CCT5: variants seen among roughly 807,000 people sequenced by gnomAD.
The protein encoded by CCT5 is T-complex protein 1 subunit epsilon.
A neutral mutation model predicts 55.0 loss-of-function variants in CCT5; 6 were observed. The observed-to-expected ratio is 0.11, with a 90% CI of 0.06 to 0.22. The LOEUF is 0.22. CCT5 is among the 10% of genes least tolerant of loss of function. The pLI is 1.00. For missense variants in CCT5, 560 were observed against 694.6 expected, an observed-to-expected ratio of 0.81 and a Z score of 2.18; for synonymous variants, 231 against 243.7, an observed-to-expected ratio of 0.95 and a Z score of 0.49.
chr5:10,264,584 A>G, intron 10 of CCT5, 72 bp from the exon 11 acceptor site: 1 of 1,032,236 alleles, frequency 9.7e-7, no homozygotes, highest in Non-Finnish European at 1.5e-6. Flanking sequence ...GATTCCCTAA[A>G]TCAGAAAGAG....
Position 10,264,791 on chromosome 5 carries a change from G to A in CCT5, c.*8G>A, listed in dbSNP as rs1395875365. The A allele has an allele frequency of 6.2e-7, 1 of 1,611,398 alleles. No homozygotes were observed. On this transcript the variant is annotated 3_prime_UTR_variant, in exon 11 of 11. Coordinates refer to ENST00000280326, the MANE Select transcript of CCT5 (RefSeq NM_012073.5). ...GGAGAATCTGAAGAATGAAGACATT[G>A]AGAAAACTATGTAGCAAGATCCACT...
intron 1 of CCT5, 46 bp downstream of exon 1, chr5:10,250,491 C>T: frequency 8.7e-6 from 14 of 1,606,874 alleles, no homozygotes; most frequent in South Asian, 1.1e-5. Context: ...GGGAGGTGGC[C>T]GAGGCCGTGG....
At position 10,250,612 on chromosome 5, in the gene CCT5, G is replaced by A. The variant is rs181246987; in HGVS notation, c.105+167G>A. On this transcript the variant is annotated intron_variant, in intron 1 of 10. Transcript: ENST00000280326. The stretch of plus-strand genomic sequence containing the variant: ...CGCTCAGCCCGCTTACTGAGCTCGG[G>A]AGACGCCGGCGCCTAATCCTGGGCT... The A allele has an allele frequency of 1.5e-4, 215 of 1,450,010 alleles. 2 individuals are homozygous for A. The East Asian group carries it at 5.3e-3, about 36-fold the overall frequency. 89.8% of individuals were successfully genotyped at this position (1,450,010 alleles called of 1,614,324 possible).
At chr5:10,263,375 C>A (rs1746073088) in intron 10 of CCT5, 61 bp downstream of exon 10, 5 of 1,438,420 alleles carry the variant, frequency 3.5e-6, no homozygotes, top group South Asian at 3.5e-5. Flanking sequence ...ACTGAATAAT[C>A]ATCCACTGTA....
intron 7 of CCT5, 187 bp downstream of exon 7, chr5:10,261,098 T>C (rs574392903): frequency 3.2e-5 from 22 of 692,316 alleles, no homozygotes; most frequent in African/African-American, 3.1e-4. Context: ...TGTGTGTTTC[T>C]GGTGTTCCCT....
chr5:10,261,102 G>A (rs1284388753), intron 7 of CCT5, 191 bp downstream of exon 7: 7 of 688,840 alleles, frequency 1.0e-5, no homozygotes, highest in Non-Finnish European at 1.8e-5. Flanking sequence ...TGTTTCTGGT[G>A]TTCCCTGGCA....
In CCT5 at chr5:10,254,880, A is replaced by G. The variant is rs375354833; in HGVS notation, c.331+42A>G. ...CATCCTTTCTCATTTAAGAGACGTC[A>G]TTTAAGACCACAGGGCTAACATGCC... On this transcript the variant is annotated intron_variant, in intron 3 of 10. Transcript: ENST00000280326. The G allele has an allele frequency of 5.6e-5, 86 of 1,534,180 alleles. No individual in the cohort carries two copies. The African/African-American group carries it at 8.9e-4, about 16-fold the overall frequency.
At chr5:10,257,336 T>C (rs1745733347) in intron 4 of CCT5, among the ~76,000 whole-genome samples, 1 of 152,238 alleles carries the variant, frequency 6.6e-6, no homozygotes, top group Non-Finnish European at 1.5e-5. Context: ...ATAACACTTA[T>C]TTTCTCATGA....
Position 10,253,374 on chromosome 5 carries a change from A to T in CCT5, c.106-771A>T, listed in dbSNP as rs1170162030. Among the ~76,000 whole-genome samples, 3 of 150,614 alleles carry T rather than the reference A, an allele frequency of 2.0e-5. No homozygotes were observed. In the East Asian group the frequency reaches 5.8e-4, roughly 29 times the overall value. On this transcript the variant is annotated intron_variant, in intron 1 of 10. Coordinates refer to ENST00000280326, the MANE Select transcript of CCT5 (RefSeq NM_012073.5). Reference sequence around the variant, plus strand: ...GTAACTTTGATCTATAAATATAATTATTGGGATTTCAGGTGGGTGGAGGAA... The same window carrying T: ...GTAACTTTGATCTATAAATATAATTTTTGGGATTTCAGGTGGGTGGAGGAA...
Position 10,266,209 on chromosome 5 carries a change from C to T in CCT5, c.*1426C>T, listed in dbSNP as rs555374507. On this transcript the variant is annotated 3_prime_UTR_variant, in exon 11 of 11. Transcript: ENST00000280326. ...GCCTTCTTTGGACCACAGTCTTATC[C>T]GAGGGGTCTGTGGTTGTATCAGAAG... 3.9e-5 allele frequency: 6 copies of T among 152,266 alleles called. No individual in the cohort carries two copies. Among genetic ancestry groups the T allele is most frequent in the Admixed American group, 1.3e-4 (2 of 15,302 alleles). 9.4% of individuals were successfully genotyped at this position (152,266 alleles called of 1,614,324 possible). A position where few individuals can be genotyped will look rare whatever the true frequency, so the allele number is the denominator to read the frequency against.
intron 2 of CCT5, 132 bp downstream of exon 2, chr5:10,254,337 G>C: frequency 1.4e-6 from 1 of 692,948 alleles, no homozygotes; most frequent in East Asian, 2.8e-5. Flanking sequence ...AAATTTTTTA[G>C]TGTATTTCAG....
In CCT5 at chr5:10,254,696, T is replaced by C. The variant is rs753913039; in HGVS notation, c.189T>C (p.Asp63=). 2.5e-6 allele frequency: 4 copies of C among 1,613,760 alleles called. No individual in the cohort carries two copies. In the African/African-American group the frequency reaches 4.0e-5, roughly 16 times the overall value. ...TAGGGCTTGATAAGATGATGGTGGA[T>C]AAGGATGGAGATGTGACTGTAACTA... The part of the protein sequence containing the change: ...GPNGLDKMMV[D]KDGDVTVTND... Residue 63 remains aspartate (D), a synonymous_variant, in exon 3 of 11, where the codon GAT becomes GAC. Transcript: ENST00000280326.
upstream of CCT5, chr5:10,249,961 G>T: frequency 1.3e-6 from 2 of 1,502,920 alleles, no homozygotes; most frequent in Non-Finnish European, 1.8e-6. Flanking sequence ...CCATCTTCTC[G>T]GAGCCGGAGT....
Position 10,255,010 on chromosome 5 carries a change from A to G in CCT5, c.331+172A>G. ...GGACTTTCAAAACTGACAGTGTTAC[A>G]AAAGAACAGAAAGAGGGCTGGGGAT... is the stretch of plus-strand genomic sequence containing the variant. On this transcript the variant is annotated intron_variant, in intron 3 of 10. Coordinates refer to ENST00000280326, the MANE Select transcript of CCT5 (RefSeq NM_012073.5). 4 of 638,442 alleles carry G rather than the reference A, an allele frequency of 6.3e-6. No individual in the cohort carries two copies. The South Asian group carries it at 7.1e-5, about 11-fold the overall frequency. The allele number at this position is 638,442 out of a possible 1,614,324, so 39.5% of individuals were successfully genotyped here. A position where few individuals can be genotyped will look rare whatever the true frequency, so the allele number is the denominator to read the frequency against.
chr5:10,258,658 T>C lies in CCT5; in HGVS notation c.873+123T>C, dbSNP rs1261876180. 2.5e-5 allele frequency: 23 copies of C among 910,148 alleles called. 1 individual carries two copies. The South Asian group carries it at 3.2e-4, about 13-fold the overall frequency. 56.4% of individuals were successfully genotyped at this position (910,148 alleles called of 1,614,324 possible). On this transcript the variant is annotated intron_variant, in intron 6 of 10. Transcript: ENST00000280326. ...AAACATACACAGGAAAAAACCAAAT[T>C]GCATAGAAAGGCATAAACAGGGAAG...
At chr5:10,261,104 TC>T (rs1745937687) in intron 7 of CCT5, 193 bp downstream of exon 7, 8 of 678,018 alleles carry the variant, frequency 1.2e-5, no homozygotes, top group South Asian at 1.1e-4. Context: ...TTTCTGGTGT[TC>T]CCTGGCATTT....
At chr5:10,255,547 G>C (rs1216770496) in intron 3 of CCT5, among the ~76,000 whole-genome samples, 1 of 150,638 alleles carries the variant, frequency 6.6e-6, no homozygotes, top group Non-Finnish European at 1.5e-5. Flanking sequence ...ATTCATCTTT[G>C]CGACCCTAAA....
chr5:10,262,202 A>T lies in CCT5; in HGVS notation c.1180-279A>T, dbSNP rs1325971754. ...CATTGACGATCTCTGTTCTTTGAGA[A>T]TGAGTTTTTAGCACATTGTGATAAA... On this transcript the variant is annotated intron_variant, in intron 8 of 10. Coordinates refer to ENST00000280326, the MANE Select transcript of CCT5 (RefSeq NM_012073.5). 1.1e-5 allele frequency: 5 copies of T among 450,700 alleles called. No individual in the cohort carries two copies. The East Asian group carries it at 2.3e-4, about 21-fold the overall frequency. The allele number at this position is 450,700 out of a possible 1,614,324, so 27.9% of individuals were successfully genotyped here.
intron 6 of CCT5, 129 bp downstream of exon 6, chr5:10,258,664 G>C: frequency 1.2e-6 from 1 of 847,282 alleles, no homozygotes; most frequent in Non-Finnish European, 2.0e-6. Context: ...AAATTGCATA[G>C]AAAGGCATAA....
Sources: allele counts gnomAD v4.1 joint callset (sites outside exome capture counted in the v4.1 genomes callset), GRCh38; gene constraint gnomAD v4.1.1; transcripts MANE v1.5; gene names NCBI Gene and HGNC (gene_info 2026-07-23, HGNC 2026-07-21).